The following HELZ variants were observed in gnomAD, a reference collection of about 807,000 sequenced individuals.
HELZ encodes ATP-dependent RNA helicase with zinc finger domain.
In HELZ, 23 loss-of-function variants were observed where a neutral mutation model predicts 218.2. That is an observed-to-expected ratio of 0.11 (90% CI 0.08 to 0.15). The LOEUF (loss-of-function observed/expected upper bound fraction) is 0.15, where lower values mean the gene tolerates loss of function less well. Ranked by LOEUF, HELZ falls within the 10% of genes least tolerant of loss-of-function variation. The probability of loss-of-function intolerance (pLI) is 1.00; values close to 1 mark genes in which losing one functional copy is unlikely to be tolerated. For missense variants in HELZ, 1,813 were observed against 2,353.7 expected, an observed-to-expected ratio of 0.77 and a Z score of 4.75; for synonymous variants, 814 against 829.4, an observed-to-expected ratio of 0.98 and a Z score of 0.32.
intron 20 of HELZ, among the ~76,000 whole-genome samples, chr17:67,148,330 G>C (rs1415703428): frequency 6.6e-6 from 1 of 152,174 alleles, no homozygotes; most frequent in East Asian, 1.9e-4. Flanking sequence ...TGTTGTGAGA[G>C]AGTAAAGGAA....
rs532254868 is a variant in HELZ, at chr17:67,175,068, T to A, written c.1430+3591A>T. ...TCAAACCACAACAAAACATTCTTCA[T>A]GATTCTAATGGTGATTTGGGTTTGC... On this transcript the variant is annotated intron_variant, in intron 13 of 32. Coordinates refer to ENST00000358691, the MANE Select transcript of HELZ (RefSeq NM_014877.4). 2.4e-4 allele frequency among the ~76,000 whole-genome samples: 37 copies of A among 152,302 alleles called. No homozygotes were observed. In the South Asian group the frequency reaches 7.7e-3, roughly 32 times the overall value.
At chr17:67,139,904 T>C (rs549797891) in intron 21 of HELZ, among the ~76,000 whole-genome samples, 44 of 152,288 alleles carry the variant, frequency 2.9e-4, no homozygotes, top group African/African-American at 1.0e-3. Context: ...CAGTTGGTAG[T>C]AGTCAGGTGG....
chr17:67,101,302 A>C (rs1424053283), intron 31 of HELZ, among the ~76,000 whole-genome samples: 1 of 152,096 alleles, frequency 6.6e-6, no homozygotes, highest in Non-Finnish European at 1.5e-5. Context: ...AGAGTTCATA[A>C]AGTTATTTTA....
chr17:67,105,633 C>T lies in HELZ; in HGVS notation c.5241+1536G>A, dbSNP rs535135801. On this transcript the variant is annotated intron_variant, in intron 31 of 32. Coordinates refer to ENST00000358691, the MANE Select transcript of HELZ (RefSeq NM_014877.4). The stretch of plus-strand genomic sequence containing the variant: ...TTTATGTGAATTTTATTATAAATAG[C>T]TAAAACATCACTTAACTGAAAATTA... 1.1e-4 allele frequency among the ~76,000 whole-genome samples: 16 copies of T among 152,172 alleles called. No homozygotes were observed. The South Asian group carries it at 3.3e-3, about 32-fold the overall frequency.
intron 3 of HELZ, among the ~76,000 whole-genome samples, chr17:67,222,928 G>A (rs1363949149): frequency 6.6e-6 from 1 of 152,020 alleles, no homozygotes; most frequent in Admixed American, 6.6e-5. Flanking sequence ...CTACCTGAAC[G>A]TAACAGCCAG....
intron 13 of HELZ, among the ~76,000 whole-genome samples, chr17:67,169,592 T>G (rs1249480902): frequency 2.6e-5 from 4 of 152,164 alleles, no homozygotes; most frequent in Non-Finnish European, 5.9e-5. Flanking sequence ...GGCAATTACA[T>G]TTCAACATTA....
At chr17:67,168,767 A>G (rs1292778846) in intron 13 of HELZ, among the ~76,000 whole-genome samples, 1 of 152,194 alleles carries the variant, frequency 6.6e-6, no homozygotes, top group Admixed American at 6.5e-5. Context: ...GTGTAAAGGC[A>G]GCACAGAGAA....
intron 3 of HELZ, among the ~76,000 whole-genome samples, chr17:67,221,373 C>T (rs1321763489): frequency 6.6e-6 from 1 of 152,174 alleles, no homozygotes; most frequent in East Asian, 1.9e-4. Context: ...TGCCAGATAA[C>T]AGCAACACAA....
intron 3 of HELZ, among the ~76,000 whole-genome samples, chr17:67,221,633 T>C (rs1159485938): frequency 6.6e-6 from 1 of 152,178 alleles, no homozygotes. Context: ...ACATGGATTA[T>C]TTCAACTTGC....
intron 15 of HELZ, among the ~76,000 whole-genome samples, chr17:67,162,208 C>A (rs867451514): frequency 4.6e-5 from 7 of 152,058 alleles, no homozygotes; most frequent in African/African-American, 1.7e-4. Flanking sequence ...CTGAGACCAG[C>A]AGTTCAAGAC....
At position 67,151,180 on chromosome 17, in the gene HELZ, A is replaced by C; in HGVS notation, c.2222T>G (p.Val741Gly). Residue 741 changes from valine (V) to glycine (G), a missense_variant, in exon 18 of 33, where the codon GTG becomes GGG. Coordinates refer to ENST00000358691, the MANE Select transcript of HELZ (RefSeq NM_014877.4). The part of the protein sequence containing the change: ...NRWVKTVHPV[V>G]HQYCLISSAH... ...GCTTGAGATCAAACAGTACTGATGCACAACTGGGTGGACAGTCTTTACCCA... is the reference window on the plus strand; with the variant it reads ...GCTTGAGATCAAACAGTACTGATGCCCAACTGGGTGGACAGTCTTTACCCA... 6.2e-7 allele frequency: 1 copy of C among 1,613,764 alleles called. No homozygotes were observed. Among genetic ancestry groups the C allele is most frequent in the Non-Finnish European group, 8.5e-7 (1 of 1,179,772 alleles).
intron 31 of HELZ, among the ~76,000 whole-genome samples, chr17:67,090,338 A>T (rs1212052699): frequency 1.3e-5 from 2 of 152,112 alleles, no homozygotes; most frequent in African/African-American, 4.8e-5. Context: ...GCTTACATTG[A>T]TATTCATGGA....
chr17:67,223,889 T>C (rs2040818900), intron 3 of HELZ, among the ~76,000 whole-genome samples: 1 of 152,244 alleles, frequency 6.6e-6, no homozygotes, highest in South Asian at 2.1e-4. Context: ...AAACCAGGAC[T>C]CTAATCCAAA....
chr17:67,087,831 T>C (rs9911648), intron 31 of HELZ, among the ~76,000 whole-genome samples: 5,873 of 152,334 alleles, frequency 0.039, 387 homozygotes, highest in African/African-American at 0.13. Context: ...TGTCAAGATT[T>C]TTTTATAGTT....
chr17:67,223,091 C>CAAA (rs1170812696), intron 3 of HELZ, among the ~76,000 whole-genome samples: 54 of 95,138 alleles, frequency 5.7e-4, no homozygotes, highest in South Asian at 2.5e-3. Flanking sequence ...ACTAAAAATA[C>CAAA]AAAAAAAAAA....
chr17:67,147,156 T>C (rs2038523078), intron 20 of HELZ, among the ~76,000 whole-genome samples: 1 of 152,196 alleles, frequency 6.6e-6, no homozygotes, highest in Non-Finnish European at 1.5e-5. Flanking sequence ...TTACAGCATG[T>C]AGCTTTTCAT....
chr17:67,104,874 C>T (rs552080611), intron 31 of HELZ, among the ~76,000 whole-genome samples: 2 of 152,296 alleles, frequency 1.3e-5, no homozygotes, highest in South Asian at 4.1e-4. Flanking sequence ...GTAATCCCAG[C>T]ACTTTGGGAG....
intron 23 of HELZ, among the ~76,000 whole-genome samples, chr17:67,129,926 T>C (rs1394550482): frequency 1.3e-5 from 2 of 152,136 alleles, no homozygotes; most frequent in African/African-American, 2.4e-5. Flanking sequence ...ATATGTGATA[T>C]GGTTTCTTCC....
Position 67,094,022 on chromosome 17 carries a change from C to T in HELZ, c.5242-6941G>A, listed in dbSNP as rs182783598. ...AATTTACCCATATAACAAACCTGCA[C>T]GCATACTCCACTGAACCTAAGATAA... On this transcript the variant is annotated intron_variant, in intron 31 of 32. Transcript: ENST00000358691. 3.3e-5 allele frequency among the ~76,000 whole-genome samples: 5 copies of T among 152,194 alleles called. No individual in the cohort carries two copies. The East Asian group carries it at 7.7e-4, about 24-fold the overall frequency.
Sources: gnomAD v4.1 joint callset for allele counts (sites outside exome capture counted in the v4.1 genomes callset) on GRCh38, gnomAD v4.1.1 for gene constraint, MANE v1.5 for transcripts, NCBI Gene and HGNC (gene_info 2026-07-23, HGNC 2026-07-21) for gene names.